RIMS3: variants seen among roughly 807,000 people sequenced by gnomAD.
The protein encoded by RIMS3 is regulating synaptic membrane exocytosis protein 3.
A neutral mutation model predicts 29.2 loss-of-function variants in RIMS3; 15 were observed. The observed-to-expected ratio is 0.51, with a 90% CI of 0.34 to 0.79. The LOEUF is 0.79. Among genes scored for constraint, RIMS3 ranks in the 30% least tolerant of loss-of-function variants. The pLI, the probability that RIMS3 is intolerant of heterozygous loss-of-function variation, is 0.01. For missense variants in RIMS3, 342 were observed against 421.4 expected (o/e 0.81, Z 1.65); for synonymous variants, 161 against 170.1 (o/e 0.95, Z 0.41).
At chr1:40,656,215 C>T (rs1276788172) in intron 1 of RIMS3, among the ~76,000 whole-genome samples, 2 of 152,140 alleles carry the variant, frequency 1.3e-5, no homozygotes, top group Non-Finnish European at 2.9e-5. Context: ...GCCTGAGCGA[C>T]AGAGTGAGAT....
intron 1 of RIMS3, among the ~76,000 whole-genome samples, chr1:40,662,494 C>T (rs1343427484): frequency 1.3e-5 from 2 of 152,208 alleles, no homozygotes; most frequent in Non-Finnish European, 2.9e-5. Context: ...ATGTCACCTC[C>T]GTGAGGGCAG....
chr1:40,681,929 G>A, the RIMS3 span, among the ~76,000 whole-genome samples: 3 of 152,158 alleles, frequency 2.0e-5, no homozygotes, highest in Non-Finnish European at 4.4e-5. Flanking sequence ...CACCTTCCAG[G>A]TTCAAGTGAT....
At chr1:40,651,507 C>T (rs1570193807) in intron 1 of RIMS3, among the ~76,000 whole-genome samples, 1 of 152,280 alleles carries the variant, frequency 6.6e-6, no homozygotes, top group East Asian at 1.9e-4. Flanking sequence ...TTGTTTTAAG[C>T]CACCCTGTTT....
chr1:40,658,173 T>A (rs936977714), intron 1 of RIMS3, among the ~76,000 whole-genome samples: 1 of 152,196 alleles, frequency 6.6e-6, no homozygotes, highest in African/African-American at 2.4e-5. Flanking sequence ...ATGAAGATTT[T>A]CGTGGGGAAA....
rs1646511251 is a variant in RIMS3, at chr1:40,635,019, AC to A, written c.359+896del. ...GCCAGCAGATTCCAGTGTAAGAATC[AC>A]CTATCTGAGATGCCCAGGCATGCTC... On this transcript the variant is annotated intron_variant, in intron 4 of 7. Transcript: ENST00000372684. The surrounding 1 kb of genome is among the most constrained non-coding windows in gnomAD (Gnocchi z 4.1). 6.6e-6 allele frequency among the ~76,000 whole-genome samples: 1 copy of A among 152,008 alleles called. No homozygotes were observed. Among genetic ancestry groups the A allele is most frequent in the Non-Finnish European group, 1.5e-5 (1 of 67,992 alleles).
At chr1:40,651,939 C>G (rs1024136641) in intron 1 of RIMS3, among the ~76,000 whole-genome samples, 44 of 152,208 alleles carry the variant, frequency 2.9e-4, no homozygotes, top group African/African-American at 1.0e-3. Context: ...AAAAGTTCTT[C>G]TATCTGCTTG....
chr1:40,632,836 T>C (rs1023262940), intron 5 of RIMS3, among the ~76,000 whole-genome samples: 1 of 152,144 alleles, frequency 6.6e-6, no homozygotes, highest in African/African-American at 2.4e-5. Context: ...ATGCAAAGCA[T>C]CTAATAGGAG....
intron 1 of RIMS3, among the ~76,000 whole-genome samples, chr1:40,651,789 T>C (rs900706078): frequency 1.3e-5 from 2 of 152,236 alleles, no homozygotes; most frequent in Admixed American, 1.3e-4. Flanking sequence ...CCATGTGACA[T>C]ACTGTGTTTT....
At chr1:40,663,774 C>T (rs56933938) in intron 1 of RIMS3, among the ~76,000 whole-genome samples, 6,007 of 152,212 alleles carry the variant, frequency 0.039, 417 homozygotes, top group African/African-American at 0.14. Flanking sequence ...GAGAAGGGAC[C>T]GTGGTCCCTG....
the RIMS3 span, among the ~76,000 whole-genome samples, chr1:40,683,463 A>G: frequency 6.6e-6 from 1 of 152,186 alleles, no homozygotes; most frequent in Non-Finnish European, 1.5e-5. Context: ...CTTCCTCACC[A>G]TGTGATATCT....
At chr1:40,676,626 A>C in the RIMS3 span, among the ~76,000 whole-genome samples, 1 of 152,100 alleles carries the variant, frequency 6.6e-6, no homozygotes, top group Non-Finnish European at 1.5e-5. Context: ...TTCAGTGCCA[A>C]ATCTGCTCTA....
chr1:40,690,710 C>T, the RIMS3 span: 1 of 152,182 alleles, frequency 6.6e-6, no homozygotes, highest in Non-Finnish European at 1.5e-5. Flanking sequence ...ACTTTATCAC[C>T]AGGGTTATAA....
At chr1:40,648,045 G>T (rs1646606658) in intron 1 of RIMS3, among the ~76,000 whole-genome samples, 3 of 152,124 alleles carry the variant, frequency 2.0e-5, no homozygotes, top group Non-Finnish European at 2.9e-5. Flanking sequence ...TAGGTACTTG[G>T]ATGTCAAGCT....
At chr1:40,685,330 A>T in the RIMS3 span, among the ~76,000 whole-genome samples, 6 of 19,898 alleles carry the variant, frequency 3.0e-4, no homozygotes, top group Non-Finnish European at 6.2e-4. Context: ...ATTAATATAT[A>T]ATATAATTAT....
the RIMS3 span, among the ~76,000 whole-genome samples, chr1:40,680,105 G>A: frequency 5.0e-3 from 757 of 151,694 alleles, 6 homozygotes; most frequent in African/African-American, 0.017. Flanking sequence ...AGACTCGCCT[G>A]GGCAACATAG....
the RIMS3 span, among the ~76,000 whole-genome samples, chr1:40,688,913 C>G: frequency 2.1e-4 from 32 of 152,296 alleles, 2 homozygotes; most frequent in South Asian, 4.8e-3. Context: ...CAATATCTAC[C>G]TTCTTCAGGT....
At chr1:40,657,159 G>A (rs1345049215) in intron 1 of RIMS3, among the ~76,000 whole-genome samples, 1 of 152,184 alleles carries the variant, frequency 6.6e-6, no homozygotes, top group Non-Finnish European at 1.5e-5. Context: ...GCTCAGAAAG[G>A]ATGAGACGTG....
chr1:40,635,322 C>T lies in RIMS3; in HGVS notation c.359+594G>A, dbSNP rs1646512614. Among the ~76,000 whole-genome samples, 1 of 152,242 alleles carries T rather than the reference C, an allele frequency of 6.6e-6. No individual in the cohort carries two copies. ...GGAGATTTAACATCATGACCCAGGA[C>T]AGACCTGTGTGCATCTATACATAAA... On this transcript the variant is annotated intron_variant, in intron 4 of 7. Transcript: ENST00000372684. The surrounding 1 kb of genome is among the most constrained non-coding windows in gnomAD (Gnocchi z 4.1).
chr1:40,663,345 G>A (rs1310972749), intron 1 of RIMS3, among the ~76,000 whole-genome samples: 1 of 152,146 alleles, frequency 6.6e-6, no homozygotes, highest in African/African-American at 2.4e-5. Flanking sequence ...TCTCCAAGGT[G>A]GTGCCCCTGG....
Sources: gnomAD v4.1 joint callset for allele counts (sites outside exome capture counted in the v4.1 genomes callset) on GRCh38, gnomAD v4.1.1 for gene constraint, Gnocchi (gnomAD v3.1) non-coding constraint, MANE v1.5 for transcripts, NCBI Gene and HGNC (gene_info 2026-07-23, HGNC 2026-07-21) for gene names.